Variants in PTPRM observed in about 807,000 individuals in gnomAD.
PTPRM encodes the protein receptor-type tyrosine-protein phosphatase mu.
A neutral mutation model predicts 186.7 loss-of-function variants in PTPRM; 47 were observed. That is an observed-to-expected ratio of 0.25 (90% CI 0.20 to 0.32). The LOEUF is 0.32. Ranked by LOEUF, PTPRM falls within the 10% of genes least tolerant of loss-of-function variation. The pLI, the probability that PTPRM is intolerant of heterozygous loss-of-function variation, is 1.00. For missense variants in PTPRM, 1,494 were observed against 1,865.0 expected (o/e 0.80, Z 3.66); for synonymous variants, 668 against 674.9 (o/e 0.99, Z 0.16).
intron 2 of PTPRM, among the ~76,000 whole-genome samples, chr18:7,789,412 A>C (rs2043233130): frequency 6.6e-6 from 1 of 152,196 alleles, no homozygotes; most frequent in Non-Finnish European, 1.5e-5. Flanking sequence ...TGAGGTTAGC[A>C]AAGTTGATCA....
intron 14 of PTPRM, among the ~76,000 whole-genome samples, chr18:8,201,368 A>G (rs954166469): frequency 6.6e-6 from 1 of 152,240 alleles, no homozygotes; most frequent in South Asian, 2.1e-4. Context: ...TCGGTTTTAC[A>G]TATATATTAA....
At chr18:8,137,683 C>T (rs1035290921) in intron 13 of PTPRM, among the ~76,000 whole-genome samples, 1 of 151,942 alleles carries the variant, frequency 6.6e-6, no homozygotes, top group East Asian at 1.9e-4. Flanking sequence ...TCTTCCCAAT[C>T]ACCCCCAGCC....
intron 1 of PTPRM, among the ~76,000 whole-genome samples, chr18:7,634,460 C>T (rs954203925): frequency 6.6e-6 from 1 of 152,164 alleles, no homozygotes; most frequent in African/African-American, 2.4e-5. Context: ...ATGTCTTTGT[C>T]CCCATGGCTG....
Position 8,379,329 on chromosome 18 carries a change from G to A in PTPRM, c.3775G>A (p.Ala1259Thr), listed in dbSNP as rs1264254991. 6.2e-7 allele frequency: 1 copy of A among 1,610,804 alleles called. No individual in the cohort carries two copies. Among genetic ancestry groups the A allele is most frequent in the Admixed American group, 1.7e-5 (1 of 59,856 alleles). ...DGESSNYINA[A>T]LMDSYKQPSA... ...GGAGAGCAGCAACTACATCAATGCT[G>A]CCCTCATGGACGTGAGTGCCCCGCT... Residue 1259 changes from alanine (A) to threonine (T), a missense_variant, in exon 28 of 33, where the codon GCC becomes ACC. Coordinates refer to ENST00000580170, the MANE Select transcript of PTPRM (RefSeq NM_001105244.2).
intron 14 of PTPRM, among the ~76,000 whole-genome samples, chr18:8,192,635 G>T (rs2093724221): frequency 6.6e-6 from 1 of 152,088 alleles, no homozygotes; most frequent in Admixed American, 6.6e-5. Context: ...TAAATAGAAA[G>T]GATGGGGGAT....
At chr18:7,771,295 T>C (rs2042258699) in intron 1 of PTPRM, among the ~76,000 whole-genome samples, 1 of 152,226 alleles carries the variant, frequency 6.6e-6, no homozygotes, top group Non-Finnish European at 1.5e-5. Context: ...TTCATTCTTT[T>C]TGAATGTTAT....
chr18:7,899,603 A>G (rs2049551194), intron 3 of PTPRM, among the ~76,000 whole-genome samples: 1 of 152,192 alleles, frequency 6.6e-6, no homozygotes. Context: ...ATTTTTCCTA[A>G]AAATGTTTGT....
chr18:8,296,016 G>T (rs190465343), intron 19 of PTPRM, among the ~76,000 whole-genome samples: 436 of 152,224 alleles, frequency 2.9e-3, no homozygotes, highest in Non-Finnish European at 4.6e-3. Flanking sequence ...ATTGAAAAAT[G>T]ACAATATAAT....
At chr18:8,129,204 C>A (rs2145916636) in intron 13 of PTPRM, among the ~76,000 whole-genome samples, 1 of 149,846 alleles carries the variant, frequency 6.7e-6, no homozygotes, top group East Asian at 2.0e-4. Context: ...ATTGTTCTTG[C>A]CTTTTTGATA....
intron 1 of PTPRM, among the ~76,000 whole-genome samples, chr18:7,713,862 C>T (rs2121189): frequency 0.52 from 79,037 of 151,704 alleles, 21,292 homozygotes; most frequent in East Asian, 0.86. Flanking sequence ...ACAGGAGCAC[C>T]CAGATTCATA....
chr18:7,800,486 T>C (rs1036887882), intron 2 of PTPRM, among the ~76,000 whole-genome samples: 1 of 152,180 alleles, frequency 6.6e-6, no homozygotes, highest in African/African-American at 2.4e-5. Context: ...CAAAGTGTAT[T>C]TGTAGCCATC....
chr18:7,705,295 C>G (rs918336555), intron 1 of PTPRM, among the ~76,000 whole-genome samples: 1 of 141,518 alleles, frequency 7.1e-6, no homozygotes, highest in African/African-American at 2.5e-5. Context: ...ATCTATCTAT[C>G]TATCTATCTA....
At chr18:8,289,421 T>C (rs1181796034) in intron 19 of PTPRM, among the ~76,000 whole-genome samples, 73 of 113,706 alleles carry the variant, frequency 6.4e-4, no homozygotes, top group Admixed American at 1.1e-3. Context: ...TACACATATA[T>C]ACGTATATAT....
intron 1 of PTPRM, among the ~76,000 whole-genome samples, chr18:7,617,199 G>A (rs1376981584): frequency 6.6e-6 from 1 of 152,118 alleles, no homozygotes; most frequent in Admixed American, 6.5e-5. Flanking sequence ...ATTATTCTGA[G>A]CACAGGATCT....
At chr18:8,162,054 G>T (rs1395625547) in intron 14 of PTPRM, among the ~76,000 whole-genome samples, 1 of 151,746 alleles carries the variant, frequency 6.6e-6, no homozygotes, top group Non-Finnish European at 1.5e-5. Flanking sequence ...ATATCTGTTA[G>T]AATACTTTTT....
At chr18:7,722,181 A>C (rs1220904555) in intron 1 of PTPRM, among the ~76,000 whole-genome samples, 5 of 152,190 alleles carry the variant, frequency 3.3e-5, no homozygotes, top group Non-Finnish European at 5.9e-5. Flanking sequence ...AATCTCTGGC[A>C]ACCACTAATC....
chr18:7,864,549 A>C (rs1026108158), intron 2 of PTPRM, among the ~76,000 whole-genome samples: 1 of 151,976 alleles, frequency 6.6e-6, no homozygotes, highest in African/African-American at 2.4e-5. Context: ...CTGTTCCATT[A>C]GTCTATATAT....
At chr18:8,362,142 G>A (rs891747920) in intron 23 of PTPRM, among the ~76,000 whole-genome samples, 1 of 152,090 alleles carries the variant, frequency 6.6e-6, no homozygotes, top group African/African-American at 2.4e-5. Flanking sequence ...CTGGTGATGG[G>A]GTTGCCAGAC....
intron 7 of PTPRM, among the ~76,000 whole-genome samples, chr18:8,040,124 A>T (rs973137541): frequency 7.0e-4 from 107 of 152,256 alleles, no homozygotes; most frequent in African/African-American, 2.5e-3. Flanking sequence ...AGATGATTGG[A>T]TGCATCCCAT....
Sources: gnomAD v4.1 joint callset for allele counts (sites outside exome capture counted in the v4.1 genomes callset) on GRCh38, gnomAD v4.1.1 for gene constraint, MANE v1.5 for transcripts, NCBI Gene and HGNC (gene_info 2026-07-23, HGNC 2026-07-21) for gene names.